PIGX: variants seen among roughly 807,000 people sequenced by gnomAD.
PIGX encodes the protein GPI alpha-1,4-mannosyltransferase I, stabilizing subunit.
Under a neutral mutation model 28.7 loss-of-function variants are expected in PIGX, and 24 were observed. The ratio of observed to expected loss-of-function variants is 0.84; its 90% CI spans 0.60 to 1.17. PIGX has a LOEUF of 1.17. PIGX is among the 50% of genes most tolerant of loss of function. The pLI is 0.00. For missense variants in PIGX, 305 were observed against 317.8 expected, an observed-to-expected ratio of 0.96 and a Z score of 0.31; for synonymous variants, 127 against 121.0, an observed-to-expected ratio of 1.05 and a Z score of -0.33.
Position 196,719,355 on chromosome 3 carries a change from G to A in PIGX, c.176+2434G>A, listed in dbSNP as rs184450862. ...TTATTTTTTTATTATTATACTTTAA[G>A]TTCTAGGGTACATGTGCACAATGTG... On this transcript the variant is annotated intron_variant, in intron 2 of 5. Transcript: ENST00000392391. Among the ~76,000 whole-genome samples the A allele has an allele frequency of 2.8e-3, 429 of 151,722 alleles. 2 individuals are homozygous for A. The highest frequency in any genetic ancestry group is 0.017 in the Middle Eastern group (5 of 294).
chr3:196,722,536 C>T lies in PIGX; in HGVS notation c.298C>T (p.Arg100Ter), dbSNP rs1285575157. The T allele has an allele frequency of 4.3e-6, 7 of 1,613,000 alleles. No homozygotes were observed. Among genetic ancestry groups the T allele is most frequent in the Non-Finnish European group, 5.9e-6 (7 of 1,179,464 alleles). ...GGATCCGTATGAGTTGGCTTCATTACGAGAGAGAAACATAACAGAGGTACA... is the reference window on the plus strand; with the variant it reads ...GGATCCGTATGAGTTGGCTTCATTATGAGAGAGAAACATAACAGAGGTACA... Residue 100 changes from arginine to a stop codon, truncating the protein, a stop_gained, in exon 3 of 6, where the codon CGA becomes TGA. Coordinates refer to ENST00000392391, the MANE Select transcript of PIGX (RefSeq NM_017861.4). LOFTEE classifies it high-confidence loss of function.
intron 5 of PIGX, among the ~76,000 whole-genome samples, 168 bp downstream of exon 5, chr3:196,731,260 C>T (rs1712743526): frequency 6.6e-6 from 1 of 152,026 alleles, no homozygotes; most frequent in African/African-American, 2.4e-5. Context: ...TCACTGCAGC[C>T]TCCGCCTACC....
chr3:196,724,989 T>C (rs1006479685), intron 3 of PIGX, among the ~76,000 whole-genome samples: 2 of 152,198 alleles, frequency 1.3e-5, no homozygotes, highest in African/African-American at 4.8e-5. Context: ...AGCAAAATGC[T>C]TTGTAAGGAG....
rs145724779 is a variant in PIGX, at chr3:196,718,296, G to T, written c.176+1375G>T. ...CCGCACTTCAGCCTGGCAACAGAGC[G>T]AGGCAAAACTCCGTCTGAAGAAAAA... On this transcript the variant is annotated intron_variant, in intron 2 of 5. Coordinates refer to ENST00000392391, the MANE Select transcript of PIGX (RefSeq NM_017861.4). Among the ~76,000 whole-genome samples, 41 of 151,912 alleles carry T rather than the reference G, an allele frequency of 2.7e-4. No homozygotes were observed. In the East Asian group the frequency reaches 6.8e-3, roughly 25 times the overall value.
In PIGX at chr3:196,734,747, A is replaced by G. The variant is rs1195563722; in HGVS notation, c.*845A>G. On this transcript the variant is annotated 3_prime_UTR_variant, in exon 6 of 6. Coordinates refer to ENST00000392391, the MANE Select transcript of PIGX (RefSeq NM_017861.4). ...ATCTTAAATTATTGATTATTCCTTAACGCACTCCATTCTCCTTTTACATTT... is the reference window on the plus strand; with the variant it reads ...ATCTTAAATTATTGATTATTCCTTAGCGCACTCCATTCTCCTTTTACATTT... 2 of 152,226 alleles carry G rather than the reference A, an allele frequency of 1.3e-5. No homozygotes were observed. Among genetic ancestry groups the G allele is most frequent in the African/African-American group, 4.8e-5 (2 of 41,450 alleles). 9.4% of individuals were successfully genotyped at this position (152,226 alleles called of 1,614,324 possible).
chr3:196,716,281 T>A (rs1232022430), intron 1 of PIGX, among the ~76,000 whole-genome samples: 1 of 147,908 alleles, frequency 6.8e-6, no homozygotes, highest in Non-Finnish European at 1.5e-5. Context: ...GTTTTTTTTT[T>A]AAACCTTCCA....
At chr3:196,718,409 T>TAA (rs1712186857) in intron 2 of PIGX, among the ~76,000 whole-genome samples, 1 of 152,206 alleles carries the variant, frequency 6.6e-6, no homozygotes, top group South Asian at 2.1e-4. Context: ...GTTGAGGACT[T>TAA]AATCTTAAGT....
In PIGX at chr3:196,728,636, C is replaced by A. The variant is rs2108686327; in HGVS notation, c.532+500C>A. The A allele has an allele frequency of 5.2e-6, 4 of 764,714 alleles. No individual in the cohort carries two copies. The East Asian group carries it at 9.7e-5, about 19-fold the overall frequency. The allele number at this position is 764,714 out of a possible 1,614,324, so 47.4% of individuals were successfully genotyped here. A position where few individuals can be genotyped will look rare whatever the true frequency, so the allele number is the denominator to read the frequency against. Reference sequence around the variant, plus strand: ...CTGGGCCATTTGACCTGTAGTTGGTCATAGCTGGGGTTTTGCTAATTGGAC... The same window carrying A: ...CTGGGCCATTTGACCTGTAGTTGGTAATAGCTGGGGTTTTGCTAATTGGAC... On this transcript the variant is annotated intron_variant, in intron 4 of 5. Transcript: ENST00000392391.
intron 3 of PIGX, among the ~76,000 whole-genome samples, chr3:196,722,784 A>G (rs1264333396): frequency 6.6e-6 from 1 of 152,202 alleles, no homozygotes; most frequent in Non-Finnish European, 1.5e-5. Context: ...TTCAGTGACT[A>G]AGAAAATTAT....
Position 196,728,282 on chromosome 3 carries a change from C to T in PIGX, c.532+146C>T, listed in dbSNP as rs555500160. On this transcript the variant is annotated intron_variant, in intron 4 of 5. Transcript: ENST00000392391. ...GGTATTTATTTGCCTTATAATAATT[C>T]ACTAAACTATGTATTTGAGTAGATT... is the stretch of plus-strand genomic sequence containing the variant. 234 of 622,584 alleles carry T rather than the reference C, an allele frequency of 3.8e-4. 6 individuals are homozygous for T. In the South Asian group the frequency reaches 4.4e-3, roughly 12 times the overall value. 38.6% of individuals were successfully genotyped at this position (622,584 alleles called of 1,614,324 possible).
At chr3:196,716,069 G>A (rs1712085557) in intron 1 of PIGX, among the ~76,000 whole-genome samples, 1 of 152,168 alleles carries the variant, frequency 6.6e-6, no homozygotes, top group South Asian at 2.1e-4. Context: ...CTTGAGTGCA[G>A]TGGTATAATC....
chr3:196,728,366 C>G, intron 4 of PIGX: 1 of 591,982 alleles, frequency 1.7e-6, no homozygotes, highest in Non-Finnish European at 3.0e-6. Flanking sequence ...CATCTGCCAT[C>G]CCTGTCCTTG....
rs1712725356 is a variant in PIGX at position 196,730,901 on chromosome 3, T to G, written c.533-91T>G. ...TCATATACATAATGTATTAAAATGTTTGACAACTTCTGTCTATTGAGGTTT... is the reference window on the plus strand; with the variant it reads ...TCATATACATAATGTATTAAAATGTGTGACAACTTCTGTCTATTGAGGTTT... On this transcript the variant is annotated intron_variant, in intron 4 of 5. Transcript: ENST00000392391. 2.9e-5 allele frequency: 20 copies of G among 686,046 alleles called. 1 individual carries two copies. In the South Asian group the frequency reaches 3.5e-4, roughly 12 times the overall value. The allele number at this position is 686,046 out of a possible 1,614,324, so 42.5% of individuals were successfully genotyped here. A position where few individuals can be genotyped will look rare whatever the true frequency, so the allele number is the denominator to read the frequency against.
At position 196,722,431 on chromosome 3, in the gene PIGX, G is replaced by C; in HGVS notation, c.193G>C (p.Val65Leu). The change falls in exon 3 of 6, where the codon GTG (valine) becomes CTG (leucine). Residue 65 changes from valine (V) to leucine (L), a missense_variant. Val to Leu is a conservative substitution (Grantham distance 32). Coordinates refer to ENST00000392391, the MANE Select transcript of PIGX (RefSeq NM_017861.4). ...GTCTTACAGAGACCTTTTAATCAAA[G>C]TGAAGTTTGGGGAAAGCATTGAGGA... 1.9e-6 allele frequency: 3 copies of C among 1,611,524 alleles called. No individual in the cohort carries two copies. Among genetic ancestry groups the C allele is most frequent in the Non-Finnish European group, 2.5e-6 (3 of 1,178,316 alleles).
At position 196,727,970 on chromosome 3, in the gene PIGX, G is replaced by T. The variant is rs1464638510; in HGVS notation, c.366G>T (p.Leu122Phe). The change falls in exon 4 of 6, where the codon TTG (leucine) becomes TTT (phenylalanine). Residue 122 changes from leucine (L) to phenylalanine (F), a missense_variant. Leu to Phe is a conservative substitution (Grantham distance 22). Coordinates refer to ENST00000392391, the MANE Select transcript of PIGX (RefSeq NM_017861.4). ...TTGATATAGAGGCCCCTAACTATTTGTCCAAGGAGTCTGAAGTTCTCATTT... is the reference window on the plus strand; with the variant it reads ...TTGATATAGAGGCCCCTAACTATTTTTCCAAGGAGTCTGAAGTTCTCATTT... 3.7e-6 allele frequency: 6 copies of T among 1,613,878 alleles called. No individual in the cohort carries two copies. The highest frequency in any genetic ancestry group is 4.2e-6 in the Non-Finnish European group (5 of 1,179,886).
intron 4 of PIGX, among the ~76,000 whole-genome samples, chr3:196,729,493 G>T (rs1239095073): frequency 2.0e-5 from 3 of 150,036 alleles, no homozygotes; most frequent in Admixed American, 2.0e-4. Flanking sequence ...CGCAATCTCC[G>T]CCTCTCCTGC....
At chr3:196,718,171 G>A (rs747995463) in intron 2 of PIGX, among the ~76,000 whole-genome samples, 16 of 152,042 alleles carry the variant, frequency 1.1e-4, no homozygotes, top group Non-Finnish European at 2.2e-4. Flanking sequence ...TTAGCCAGGC[G>A]TGGTGGTGGG....
At chr3:196,729,071 C>T (rs761195417) in intron 4 of PIGX, among the ~76,000 whole-genome samples, 6 of 152,156 alleles carry the variant, frequency 3.9e-5, no homozygotes, top group African/African-American at 7.2e-5. Flanking sequence ...AGGTGGCTCA[C>T]GCCTGTAACC....
rs377512535 is a variant in PIGX, at chr3:196,727,953, G to A, written c.349G>A (p.Glu117Lys). 331 of 1,611,398 alleles carry A rather than the reference G, an allele frequency of 2.1e-4. No homozygotes were observed. The highest frequency in any genetic ancestry group is 2.7e-4 in the Non-Finnish European group (322 of 1,178,078). ...GATGGTTTCAGAAAATTTTGATATA[G>A]AGGCCCCTAACTATTTGTCCAAGGA... The change falls in exon 4 of 6, where the codon GAG (glutamate) becomes AAG (lysine). Residue 117 changes from glutamate to lysine, a missense_variant. Glu to Lys is a moderately conservative substitution (Grantham distance 56). Coordinates refer to ENST00000392391, the MANE Select transcript of PIGX (RefSeq NM_017861.4).
Sources: allele counts gnomAD v4.1 joint callset (sites outside exome capture counted in the v4.1 genomes callset), GRCh38; gene constraint gnomAD v4.1.1; transcripts MANE v1.5; gene names NCBI Gene and HGNC (gene_info 2026-07-23, HGNC 2026-07-21).